The following IRAK3 variants were observed in gnomAD, a reference collection of about 807,000 sequenced individuals.
IRAK3 encodes the protein interleukin 1 receptor associated kinase 3, also known as interleukin-1 receptor-associated kinase 3.
Under a neutral mutation model 56.6 loss-of-function variants are expected in IRAK3, and 57 were observed. The observed-to-expected ratio is 1.01, with a 90% CI of 0.81 to 1.26. The LOEUF (loss-of-function observed/expected upper bound fraction) is 1.26. Among genes scored for constraint, IRAK3 ranks in the 50% most tolerant of loss-of-function variants. The pLI, the probability that IRAK3 is intolerant of heterozygous loss-of-function variation, is 0.00. For synonymous variants in IRAK3, 258 were observed against 255.7 expected, an observed-to-expected ratio of 1.01 and a Z score of -0.09; for missense variants, 703 against 719.0, an observed-to-expected ratio of 0.98 and a Z score of 0.25.
At chr12:66,195,020 C>T (rs1033967056) in intron 1 of IRAK3, among the ~76,000 whole-genome samples, 4 of 152,158 alleles carry the variant, frequency 2.6e-5, no homozygotes, top group Admixed American at 2.0e-4. Context: ...ATGTCATCTT[C>T]ATCCATCTAT....
In IRAK3 at chr12:66,234,454, G is replaced by T. The variant is rs189251514; in HGVS notation, c.887+6084G>T. 2.7e-4 allele frequency: 442 copies of T among 1,611,366 alleles called. 4 individuals are homozygous for T. The East Asian group carries it at 3.0e-3, about 11-fold the overall frequency. On this transcript the variant is annotated intron_variant, in intron 8 of 11. Transcript: ENST00000261233. ...TAATAGAAGTTTGAGTGATCATTCGGTTTGTAGCAATACTGTATGGTGAAG... is the reference window on the plus strand; with the variant it reads ...TAATAGAAGTTTGAGTGATCATTCGTTTTGTAGCAATACTGTATGGTGAAG...
chr12:66,221,820 G>C (rs1207368507), intron 6 of IRAK3, among the ~76,000 whole-genome samples: 1 of 152,168 alleles, frequency 6.6e-6, no homozygotes, highest in African/African-American at 2.4e-5. Context: ...CCTGAGGTCA[G>C]GAGTTCAAGA....
At chr12:66,195,946 C>G (rs1458538726) in intron 1 of IRAK3, among the ~76,000 whole-genome samples, 1 of 151,828 alleles carries the variant, frequency 6.6e-6, no homozygotes, top group Admixed American at 6.6e-5. Context: ...TGTGAGCCAC[C>G]ACACCTGGCC....
intron 8 of IRAK3, among the ~76,000 whole-genome samples, chr12:66,242,235 C>G (rs901277565): frequency 1.3e-5 from 2 of 152,070 alleles, no homozygotes; most frequent in African/African-American, 2.4e-5. Flanking sequence ...GTTGGAGAAC[C>G]TTTTTTTCCC....
In IRAK3 at chr12:66,253,727, CATT is replaced by C. The variant is rs979584773; in HGVS notation, c.*5557_*5559del. 8.5e-5 allele frequency: 13 copies of C among 152,238 alleles called. No homozygotes were observed. The highest frequency in any genetic ancestry group is 3.1e-4 in the African/African-American group (13 of 41,546). 9.4% of individuals were successfully genotyped at this position (152,238 alleles called of 1,614,324 possible). The stretch of plus-strand genomic sequence containing the variant: ...TGGCTTACTTGCGGAAATGCAGGCT[CATT>C]GTTGTGTCTAGTAGGTGCTAGGTGC... On this transcript the variant is annotated 3_prime_UTR_variant, in exon 12 of 12. Coordinates refer to ENST00000261233, the MANE Select transcript of IRAK3 (RefSeq NM_007199.3).
chr12:66,253,964 C>T lies in IRAK3; in HGVS notation c.*5793C>T, dbSNP rs758458785. ...ATAACTTAAAAATTAAAAGTGTCCT[C>T]TATTTGAACATGAAAACAGCTAATA... On this transcript the variant is annotated 3_prime_UTR_variant, in exon 12 of 12. Transcript: ENST00000261233. The T allele has an allele frequency of 6.6e-6, 1 of 152,104 alleles. No individual in the cohort carries two copies. Among genetic ancestry groups the T allele is most frequent in the South Asian group, 2.1e-4 (1 of 4,824 alleles). The allele number at this position is 152,104 out of a possible 1,614,324, so 9.4% of individuals were successfully genotyped here. A position where few individuals can be genotyped will look rare whatever the true frequency, so the allele number is the denominator to read the frequency against.
In IRAK3 at chr12:66,253,746, T is replaced by G. The variant is rs2053125287; in HGVS notation, c.*5575T>G. 1 of 152,160 alleles carries G rather than the reference T, an allele frequency of 6.6e-6. No individual in the cohort carries two copies. The highest frequency in any genetic ancestry group is 2.1e-4 in the South Asian group (1 of 4,830). 9.4% of individuals were successfully genotyped at this position (152,160 alleles called of 1,614,324 possible). ...CAGGCTCATTGTTGTGTCTAGTAGG[T>G]GCTAGGTGCATTCACACATCTCTTA... On this transcript the variant is annotated 3_prime_UTR_variant, in exon 12 of 12. Transcript: ENST00000261233.
At chr12:66,221,954 G>A (rs1395624614) in intron 6 of IRAK3, among the ~76,000 whole-genome samples, 6 of 152,160 alleles carry the variant, frequency 3.9e-5, no homozygotes, top group Admixed American at 1.3e-4. Context: ...GCTTGAACCC[G>A]GGAGGCGGAG....
chr12:66,189,806 A>T (rs1194383840), intron 1 of IRAK3, among the ~76,000 whole-genome samples: 1 of 152,170 alleles, frequency 6.6e-6, no homozygotes, highest in African/African-American at 2.4e-5. Flanking sequence ...TAGTATTGAG[A>T]CATTTTTAGA....
At chr12:66,247,202 G>A (rs913259829) in intron 11 of IRAK3, among the ~76,000 whole-genome samples, 6 of 152,156 alleles carry the variant, frequency 3.9e-5, no homozygotes, top group Admixed American at 3.3e-4. Context: ...CCTGGGAGGC[G>A]TAGGTTGCAG....
intron 8 of IRAK3, among the ~76,000 whole-genome samples, chr12:66,229,235 T>C (rs1372868885): frequency 6.6e-6 from 1 of 152,242 alleles, no homozygotes; most frequent in Non-Finnish European, 1.5e-5. Context: ...ATGTTCATTT[T>C]TGAGACATGA....
At chr12:66,246,574 G>T (rs1195009245) in intron 11 of IRAK3, among the ~76,000 whole-genome samples, 1 of 152,232 alleles carries the variant, frequency 6.6e-6, no homozygotes, top group Non-Finnish European at 1.5e-5. Context: ...CATATATCGT[G>T]CAGGGACAGA....
intron 8 of IRAK3, chr12:66,235,131 C>G: frequency 1.2e-6 from 2 of 1,613,636 alleles, no homozygotes; most frequent in Non-Finnish European, 1.7e-6. Context: ...TGATCCCATC[C>G]TGAGTTGCTG....
At chr12:66,189,523 G>A (rs1262289303) in intron 1 of IRAK3, 91 bp downstream of exon 1, 9 of 906,170 alleles carry the variant, frequency 9.9e-6, no homozygotes, top group Non-Finnish European at 1.2e-5. Flanking sequence ...GGGGTCCCTC[G>A]CGGGGCTGGC....
chr12:66,210,491 G>A (rs867333437), intron 4 of IRAK3, among the ~76,000 whole-genome samples: 6 of 152,188 alleles, frequency 3.9e-5, no homozygotes, highest in Middle Eastern at 3.4e-3. Context: ...TGTGTGTCAT[G>A]GGAAAACATT....
Position 66,189,386 on chromosome 12 carries a change from C to T in IRAK3, c.87C>T (p.Cys29=), listed in dbSNP as rs1028762489. ...DLPPALLGEL[C]AVLDSCDGAL... is the part of the protein sequence containing the mutation. Reference sequence around the variant, plus strand: ...CGCCCGCGCTGCTCGGAGAGCTCTGCGCTGTTCTGGACAGCTGCGACGGCG... The same window carrying T: ...CGCCCGCGCTGCTCGGAGAGCTCTGTGCTGTTCTGGACAGCTGCGACGGCG... The change falls in exon 1 of 12, where the codon TGC becomes TGT. Residue 29 remains cysteine (C), a synonymous_variant. Coordinates refer to ENST00000261233, the MANE Select transcript of IRAK3 (RefSeq NM_007199.3). The T allele has an allele frequency of 3.3e-6, 5 of 1,527,466 alleles. No individual in the cohort carries two copies. The Admixed American group carries it at 5.9e-5, about 18-fold the overall frequency. 94.6% of individuals were successfully genotyped at this position (1,527,466 alleles called of 1,614,324 possible).
intron 1 of IRAK3, among the ~76,000 whole-genome samples, chr12:66,190,573 T>A (rs1181706556): frequency 6.6e-6 from 1 of 152,210 alleles, no homozygotes; most frequent in Non-Finnish European, 1.5e-5. Context: ...TCCAGTTTAA[T>A]GTTGGTGAAT....
intron 5 of IRAK3, among the ~76,000 whole-genome samples, chr12:66,215,788 A>G (rs866452253): frequency 1.5e-5 from 2 of 131,610 alleles, no homozygotes; most frequent in African/African-American, 5.6e-5. Context: ...CCCAACATGC[A>G]CACACACACA....
chr12:66,244,922 G>A (rs186659813), intron 9 of IRAK3, 26 bp from the exon 10 acceptor site: 382 of 1,541,392 alleles, frequency 2.5e-4, no homozygotes, highest in Admixed American at 5.5e-4. Context: ...AAGATATATA[G>A]CTGACTTTCT....
Sources: gnomAD v4.1 joint callset for allele counts (sites outside exome capture counted in the v4.1 genomes callset) on GRCh38, gnomAD v4.1.1 for gene constraint, MANE v1.5 for transcripts, NCBI Gene and HGNC (gene_info 2026-07-23, HGNC 2026-07-21) for gene names.